CAST: variants seen among roughly 807,000 people sequenced by gnomAD.
The protein encoded by CAST is MIR583 host.
CAST carries 76 observed loss-of-function variants against 119.6 expected under a neutral mutation model. The observed-to-expected ratio is 0.64, with a 90% confidence interval of 0.53 to 0.77. The LOEUF (loss-of-function observed/expected upper bound fraction) is 0.77, where lower values mean the gene tolerates loss of function less well. CAST is among the 30% of genes least tolerant of loss of function. CAST has a pLI of 0.00. For synonymous variants in CAST, 319 were observed against 331.6 expected (o/e 0.96, Z 0.41); for missense variants, 953 against 946.5 (o/e 1.01, Z -0.09).
chr5:96,729,743 A>G lies in CAST; in HGVS notation c.549+18A>G, dbSNP rs760921770. The G allele has an allele frequency of 3.1e-5, 33 of 1,074,666 alleles. No homozygotes were observed. The highest frequency in any genetic ancestry group is 4.5e-5 in the Non-Finnish European group (31 of 688,414). 66.6% of individuals were successfully genotyped at this position (1,074,666 alleles called of 1,614,324 possible). ...AACCAAAGGTAAATGAAGCAGATTGATAGGAAAACCTTAACATCAACTGGA... is the reference window on the plus strand; with the variant it reads ...AACCAAAGGTAAATGAAGCAGATTGGTAGGAAAACCTTAACATCAACTGGA... On this transcript the variant is annotated intron_variant, in intron 8 of 31. Coordinates refer to ENST00000675179, the MANE Select transcript of CAST (RefSeq NM_001750.7).
chr5:96,586,733 A>G (rs1245966862), intron 1 of CAST, among the ~76,000 whole-genome samples: 3 of 152,250 alleles, frequency 2.0e-5, no homozygotes, highest in African/African-American at 7.2e-5. Flanking sequence ...TGCTGGTACA[A>G]AGTAAAAGTT....
At chr5:96,215,383 A>G in the CAST span, 11 of 152,216 alleles carry the variant, frequency 7.2e-5, no homozygotes, top group Non-Finnish European at 1.6e-4. Context: ...GCATGTTTTT[A>G]TTAAAAATCA....
chr5:96,512,219 A>G, the CAST span, among the ~76,000 whole-genome samples: 4 of 152,358 alleles, frequency 2.6e-5, no homozygotes, highest in African/African-American at 9.6e-5. Context: ...AACTTGATTA[A>G]TGTTGATTTC....
the CAST span, among the ~76,000 whole-genome samples, chr5:96,246,242 G>C: frequency 7.3e-6 from 1 of 136,708 alleles, no homozygotes; most frequent in African/African-American, 2.8e-5. Flanking sequence ...GAGTGCAGTG[G>C]CACGATCTCG....
chr5:96,467,719 T>TTA, the CAST span, among the ~76,000 whole-genome samples: 1 of 150,638 alleles, frequency 6.6e-6, no homozygotes, highest in South Asian at 2.1e-4. Flanking sequence ...TATTAAAAAG[T>TTA]AAAAAAAAAC....
At chr5:96,436,557 T>C in the CAST span, among the ~76,000 whole-genome samples, 2 of 152,196 alleles carry the variant, frequency 1.3e-5, no homozygotes, top group Non-Finnish European at 2.9e-5. Context: ...CTGCTGTCAA[T>C]GAAACTTTTT....
the CAST span, among the ~76,000 whole-genome samples, chr5:96,068,026 A>G: frequency 9.2e-5 from 14 of 152,306 alleles, no homozygotes; most frequent in African/African-American, 2.6e-4. Context: ...GGTAAAGAGC[A>G]TCTCTGGGAA....
At chr5:96,345,797 C>A in the CAST span, among the ~76,000 whole-genome samples, 24 of 152,278 alleles carry the variant, frequency 1.6e-4, no homozygotes, top group Non-Finnish European at 2.8e-4. Context: ...TCCCTCAGTT[C>A]CTTGTCATAT....
the CAST span, among the ~76,000 whole-genome samples, chr5:96,371,820 A>G: frequency 6.6e-6 from 1 of 152,184 alleles, no homozygotes; most frequent in African/African-American, 2.4e-5. Flanking sequence ...AAATCCAAAG[A>G]CAAACAGAAG....
chr5:96,308,035 C>T, the CAST span, among the ~76,000 whole-genome samples: 2 of 152,122 alleles, frequency 1.3e-5, no homozygotes, highest in African/African-American at 4.8e-5. Flanking sequence ...TGGATAATAT[C>T]CTGCAGAGTG....
chr5:96,169,968 G>A, the CAST span, among the ~76,000 whole-genome samples: 11 of 152,116 alleles, frequency 7.2e-5, no homozygotes, highest in Non-Finnish European at 1.3e-4. Context: ...AAGCCTGGCC[G>A]TCAATACCCA....
chr5:96,016,510 A>G, the CAST span, among the ~76,000 whole-genome samples: 1 of 152,150 alleles, frequency 6.6e-6, no homozygotes, highest in African/African-American at 2.4e-5. Flanking sequence ...CCTTTCTCCT[A>G]TACTGCATCA....
chr5:96,285,919 G>A, the CAST span, among the ~76,000 whole-genome samples: 1 of 152,200 alleles, frequency 6.6e-6, no homozygotes, highest in Non-Finnish European at 1.5e-5. Flanking sequence ...TTATGAATGT[G>A]CCTCTAAATG....
intron 1 of CAST, among the ~76,000 whole-genome samples, chr5:96,641,021 C>T (rs568189585): frequency 1.3e-5 from 2 of 152,256 alleles, no homozygotes; most frequent in South Asian, 4.1e-4. Flanking sequence ...ATTGCAAAAG[C>T]ATACTGTCAA....
At chr5:96,108,005 G>GC in the CAST span, among the ~76,000 whole-genome samples, 1 of 151,720 alleles carries the variant, frequency 6.6e-6, no homozygotes, top group Non-Finnish European at 1.5e-5. Flanking sequence ...CTTTCTTCCA[G>GC]TTGATCGCAT....
chr5:96,460,735 C>T, the CAST span, among the ~76,000 whole-genome samples: 6 of 152,012 alleles, frequency 3.9e-5, no homozygotes, highest in Admixed American at 6.6e-5. Flanking sequence ...TTTTAGGCTT[C>T]AATTATCTCA....
At chr5:96,289,382 A>G in the CAST span, among the ~76,000 whole-genome samples, 1 of 152,162 alleles carries the variant, frequency 6.6e-6, no homozygotes, top group Non-Finnish European at 1.5e-5. Context: ...TGTAGTTCCC[A>G]TAATGCCCAC....
chr5:96,132,759 A>G, the CAST span, among the ~76,000 whole-genome samples: 1 of 152,174 alleles, frequency 6.6e-6, no homozygotes, highest in Admixed American at 6.6e-5. Context: ...TTATATAAAT[A>G]TTTATAGCCA....
the CAST span, among the ~76,000 whole-genome samples, chr5:96,178,446 A>G: frequency 2.6e-5 from 4 of 152,242 alleles, no homozygotes; most frequent in South Asian, 8.3e-4. Flanking sequence ...TCACTTCTTT[A>G]TTTATTTTAA....
Sources: allele counts gnomAD v4.1 joint callset (sites outside exome capture counted in the v4.1 genomes callset), GRCh38; gene constraint gnomAD v4.1.1; transcripts MANE v1.5; gene names NCBI Gene and HGNC (gene_info 2026-07-23, HGNC 2026-07-21).